The following SYT17 variants were observed in gnomAD, a reference collection of about 807,000 sequenced individuals.
SYT17 encodes the protein synaptotagmin-17.
In SYT17, 22 loss-of-function variants were observed where a neutral mutation model predicts 46.7. That is an observed-to-expected ratio of 0.47 (90% CI 0.34 to 0.67). The LOEUF (loss-of-function observed/expected upper bound fraction) is 0.67. Ranked by LOEUF, SYT17 falls within the 30% of genes least tolerant of loss-of-function variation. SYT17 has a pLI of 0.01. For missense variants in SYT17, 519 were observed against 612.8 expected (o/e 0.85, Z 1.62); for synonymous variants, 251 against 248.4 (o/e 1.01, Z -0.10).
chr16:19,211,643 CAG>C (rs1965905990), intron 5 of SYT17, among the ~76,000 whole-genome samples: 1 of 149,278 alleles, frequency 6.7e-6, no homozygotes, highest in Non-Finnish European at 1.5e-5. Context: ...TTTTTTGAGA[CAG>C]AGTCTCGCTC....
chr16:19,238,602 C>G (rs544824143), intron 7 of SYT17, among the ~76,000 whole-genome samples: 1 of 152,330 alleles, frequency 6.6e-6, no homozygotes, highest in South Asian at 2.1e-4. Flanking sequence ...TGCCAGGGCT[C>G]CTGAGGGTTT....
At chr16:19,233,013 G>A (rs1237797739) in intron 7 of SYT17, among the ~76,000 whole-genome samples, 1 of 152,074 alleles carries the variant, frequency 6.6e-6, no homozygotes, top group Non-Finnish European at 1.5e-5. Flanking sequence ...TGGGTTTTTT[G>A]GGGTTTTGGA....
intron 5 of SYT17, among the ~76,000 whole-genome samples, chr16:19,196,288 G>A (rs1965240747): frequency 6.6e-6 from 1 of 151,192 alleles, no homozygotes; most frequent in Non-Finnish European, 1.5e-5. Context: ...TGTTGCCCAC[G>A]CTGGAGTGCA....
intron 7 of SYT17, among the ~76,000 whole-genome samples, chr16:19,238,719 A>C (rs2142946073): frequency 6.6e-6 from 1 of 152,166 alleles, no homozygotes; most frequent in South Asian, 2.1e-4. Flanking sequence ...GGTTTATCCA[A>C]CCACATATGT....
At chr16:19,171,980 C>T (rs1228546223) in intron 1 of SYT17, 3 of 152,270 alleles carry the variant, frequency 2.0e-5, no homozygotes, top group African/African-American at 4.8e-5. Flanking sequence ...AAGATAATAA[C>T]TTTCTCCCTC....
chr16:19,232,859 C>CAAACAAAG (rs1160111520), intron 7 of SYT17, among the ~76,000 whole-genome samples: 1 of 151,762 alleles, frequency 6.6e-6, no homozygotes, highest in Non-Finnish European at 1.5e-5. Flanking sequence ...AACAAACAAA[C>CAAACAAAG]AAACAAACTC....
intron 7 of SYT17, among the ~76,000 whole-genome samples, chr16:19,230,564 C>G (rs902300697): frequency 6.6e-6 from 1 of 152,192 alleles, no homozygotes; most frequent in Non-Finnish European, 1.5e-5. Context: ...AATGAAGCTT[C>G]AGCCCGGCAG....
intron 7 of SYT17, among the ~76,000 whole-genome samples, chr16:19,266,320 C>T (rs541809246): frequency 3.3e-5 from 5 of 152,340 alleles, no homozygotes; most frequent in African/African-American, 1.2e-4. Context: ...GGGGTTGTCA[C>T]AGCTGTAGAG....
intron 7 of SYT17, among the ~76,000 whole-genome samples, chr16:19,235,964 T>C (rs1003118259): frequency 2.6e-5 from 4 of 152,180 alleles, no homozygotes. Flanking sequence ...TTAATGTTCA[T>C]GTCACATGGA....
rs577136143 is a variant in SYT17 at position 19,236,156 on chromosome 16, A to C, written c.1228+11318A>C. ...TCTCAGAAAACATTAGCAATTCATGAGGAAGCTGTGTGGCACCATGGTCAA... is the reference window on the plus strand; with the variant it reads ...TCTCAGAAAACATTAGCAATTCATGCGGAAGCTGTGTGGCACCATGGTCAA... On this transcript the variant is annotated intron_variant, in intron 7 of 7. Coordinates refer to ENST00000355377, the MANE Select transcript of SYT17 (RefSeq NM_016524.4). Among the ~76,000 whole-genome samples the C allele has an allele frequency of 2.3e-4, 35 of 152,246 alleles. No homozygotes were observed. The South Asian group carries it at 7.3e-3, about 32-fold the overall frequency.
intron 5 of SYT17, among the ~76,000 whole-genome samples, chr16:19,216,684 C>G (rs1018445613): frequency 6.6e-6 from 1 of 152,200 alleles, no homozygotes; most frequent in African/African-American, 2.4e-5. Context: ...TTTCCAGCTT[C>G]ATCCATGTCC....
intron 7 of SYT17, among the ~76,000 whole-genome samples, chr16:19,249,777 CTT>C (rs1248576468): frequency 6.6e-6 from 1 of 152,120 alleles, no homozygotes; most frequent in Non-Finnish European, 1.5e-5. Flanking sequence ...GTTTCAGACT[CTT>C]TGGTTCAGGC....
At chr16:19,194,924 C>G (rs1319961939) in intron 5 of SYT17, among the ~76,000 whole-genome samples, 1 of 152,210 alleles carries the variant, frequency 6.6e-6, no homozygotes, top group Non-Finnish European at 1.5e-5. Context: ...GTCTTGGTAT[C>G]TTTGGCACTT....
At chr16:19,266,830 C>G (rs1969393626) in intron 7 of SYT17, 50 bp from the exon 8 acceptor site, 1 of 1,553,022 alleles carries the variant, frequency 6.4e-7, no homozygotes, top group Non-Finnish European at 8.8e-7. Flanking sequence ...CTGTTCTGTT[C>G]CCCTCCTTCC....
In SYT17 at chr16:19,183,485, C is replaced by T; in HGVS notation, c.332-43C>T. 2 of 1,607,658 alleles carry T rather than the reference C, an allele frequency of 1.2e-6. No individual in the cohort carries two copies. Among genetic ancestry groups the T allele is most frequent in the South Asian group, 1.1e-5 (1 of 90,618 alleles). On this transcript the variant is annotated intron_variant, in intron 4 of 7. Transcript: ENST00000355377. The surrounding 1 kb of genome is among the most constrained non-coding windows in gnomAD (Gnocchi z 5.6). ...TACCTGCAAAGTGGCCCAGGTCTGC[C>T]CCGTATGTGGCTGTCTTCATTGTTA...
intron 1 of SYT17, among the ~76,000 whole-genome samples, chr16:19,169,024 C>T (rs891948536): frequency 6.6e-6 from 1 of 151,892 alleles, no homozygotes; most frequent in Non-Finnish European, 1.5e-5. Context: ...GCCAGCCACC[C>T]GGCCCGCCAG....
chr16:19,211,058 A>AC (rs1965879609), intron 5 of SYT17: 1 of 187,244 alleles, frequency 5.3e-6, no homozygotes, highest in African/African-American at 2.3e-5. Flanking sequence ...GCTGAGCCAC[A>AC]TTTGCCCAAG....
At chr16:19,248,677 C>T (rs1406806485) in intron 7 of SYT17, among the ~76,000 whole-genome samples, 1 of 152,064 alleles carries the variant, frequency 6.6e-6, no homozygotes, top group East Asian at 1.9e-4. Context: ...AAAAAATTAG[C>T]TGGGCATGGT....
intron 5 of SYT17, among the ~76,000 whole-genome samples, chr16:19,187,858 A>G (rs1964846524): frequency 6.6e-6 from 1 of 152,226 alleles, no homozygotes; most frequent in Non-Finnish European, 1.5e-5. Flanking sequence ...GTTATAGAGA[A>G]AAAGGAACGC....
Sources: gnomAD v4.1 joint callset for allele counts (sites outside exome capture counted in the v4.1 genomes callset) on GRCh38, gnomAD v4.1.1 for gene constraint, Gnocchi (gnomAD v3.1) non-coding constraint, MANE v1.5 for transcripts, NCBI Gene and HGNC (gene_info 2026-07-23, HGNC 2026-07-21) for gene names.